The following SGMS1 variants were observed in gnomAD, a reference collection of about 807,000 sequenced individuals.
SGMS1 encodes sphingomyelin synthase 1, also known as phosphatidylcholine:ceramide cholinephosphotransferase 1.
SGMS1 carries 13 observed loss-of-function variants against 46.2 expected under a neutral mutation model. That is an observed-to-expected ratio of 0.28 (90% confidence interval 0.18 to 0.45). The LOEUF (loss-of-function observed/expected upper bound fraction) is 0.45, where lower values mean the gene tolerates loss of function less well. SGMS1 is among the 20% of genes least tolerant of loss of function. The probability of loss-of-function intolerance (pLI) is 1.00; values close to 1 mark genes in which losing one functional copy is unlikely to be tolerated. For synonymous variants in SGMS1, 203 were observed against 187.8 expected, an observed-to-expected ratio of 1.08 and a Z score of -0.66; for missense variants, 324 against 519.9, an observed-to-expected ratio of 0.62 and a Z score of 3.66.
intron 2 of SGMS1, among the ~76,000 whole-genome samples, chr10:50,521,455 A>G (rs1174429115): frequency 6.6e-6 from 1 of 152,196 alleles, no homozygotes; most frequent in East Asian, 1.9e-4. Flanking sequence ...AGTAAATTTA[A>G]AAGTTATATA....
chr10:50,499,754 G>A (rs1206788734), intron 3 of SGMS1, among the ~76,000 whole-genome samples: 1 of 152,202 alleles, frequency 6.6e-6, no homozygotes, highest in Non-Finnish European at 1.5e-5. Flanking sequence ...AAGGTAGAGT[G>A]CACATTGTGA....
intron 2 of SGMS1, among the ~76,000 whole-genome samples, chr10:50,542,182 C>T (rs1444046841): frequency 6.6e-6 from 1 of 152,096 alleles, no homozygotes; most frequent in African/African-American, 2.4e-5. Flanking sequence ...TCTGTGACTC[C>T]CACTTTTCGT....
chr10:50,333,190 C>T (rs977149601), intron 7 of SGMS1, among the ~76,000 whole-genome samples: 20 of 152,124 alleles, frequency 1.3e-4, no homozygotes, highest in Middle Eastern at 3.2e-3. Context: ...TGTGAGAAGA[C>T]GCTCTTAAGA....
At chr10:50,597,844 G>A (rs556301868) in intron 1 of SGMS1, among the ~76,000 whole-genome samples, 37 of 151,792 alleles carry the variant, frequency 2.4e-4, no homozygotes, top group Non-Finnish European at 4.3e-4. Flanking sequence ...GAAACCCTGT[G>A]TCTATTAAAA....
chr10:50,393,811 C>T (rs927318063), intron 6 of SGMS1, among the ~76,000 whole-genome samples: 1 of 152,194 alleles, frequency 6.6e-6, no homozygotes, highest in Non-Finnish European at 1.5e-5. Flanking sequence ...CAGGTGATAG[C>T]AGCTTTGGCT....
At chr10:50,490,831 T>C (rs1009741769) in intron 3 of SGMS1, among the ~76,000 whole-genome samples, 29 of 152,284 alleles carry the variant, frequency 1.9e-4, no homozygotes, top group African/African-American at 6.5e-4. Flanking sequence ...GACGTAATTA[T>C]TGATAAGTGC....
chr10:50,582,278 A>G (rs1838442047), intron 2 of SGMS1, among the ~76,000 whole-genome samples: 2 of 152,268 alleles, frequency 1.3e-5, no homozygotes, highest in Admixed American at 1.3e-4. Context: ...CCCTCCCTAG[A>G]TGTCTGGGCC....
At chr10:50,436,788 A>G (rs1030825624) in intron 5 of SGMS1, among the ~76,000 whole-genome samples, 1 of 131,920 alleles carries the variant, frequency 7.6e-6, no homozygotes, top group Non-Finnish European at 1.7e-5. Context: ...GTTGTGGGAA[A>G]AGTTCCTGTG....
At chr10:50,600,158 A>G (rs1838636291) in intron 1 of SGMS1, among the ~76,000 whole-genome samples, 1 of 152,244 alleles carries the variant, frequency 6.6e-6, no homozygotes, top group African/African-American at 2.4e-5. Context: ...AACACAGAGT[A>G]AACTTTTCAA....
intron 3 of SGMS1, among the ~76,000 whole-genome samples, chr10:50,484,730 G>C (rs1315570590): frequency 6.6e-6 from 1 of 152,112 alleles, no homozygotes; most frequent in Non-Finnish European, 1.5e-5. Context: ...GGAATGCAAG[G>C]CTGGTTCAAC....
At chr10:50,411,783 G>A (rs1439863079) in intron 6 of SGMS1, among the ~76,000 whole-genome samples, 3 of 152,278 alleles carry the variant, frequency 2.0e-5, no homozygotes, top group Admixed American at 2.0e-4. Flanking sequence ...ACCAGTTCAG[G>A]ATTCTCTGTT....
chr10:50,372,887 AAT>A (rs1202311797), intron 6 of SGMS1, among the ~76,000 whole-genome samples: 1 of 152,154 alleles, frequency 6.6e-6, no homozygotes, highest in Non-Finnish European at 1.5e-5. Flanking sequence ...AGAGGTTCCT[AAT>A]TTTTTTATTC....
At chr10:50,467,623 T>C (rs1382362802) in intron 3 of SGMS1, among the ~76,000 whole-genome samples, 1 of 152,194 alleles carries the variant, frequency 6.6e-6, no homozygotes, top group Non-Finnish European at 1.5e-5. Flanking sequence ...CTTAATAAAT[T>C]TTCTTAAAGT....
chr10:50,375,710 T>C (rs914332001), intron 6 of SGMS1, among the ~76,000 whole-genome samples: 7 of 152,168 alleles, frequency 4.6e-5, no homozygotes, highest in Admixed American at 1.3e-4. Context: ...GGAAGTAGTA[T>C]AGATGGCAGA....
At chr10:50,565,636 T>C (rs1377263793) in intron 2 of SGMS1, among the ~76,000 whole-genome samples, 1 of 152,136 alleles carries the variant, frequency 6.6e-6, no homozygotes, top group African/African-American at 2.4e-5. Flanking sequence ...AGCTGCCAAT[T>C]CCTAGGAATG....
At chr10:50,607,536 GCT>G (rs1488115145) in intron 1 of SGMS1, among the ~76,000 whole-genome samples, 4 of 152,150 alleles carry the variant, frequency 2.6e-5, no homozygotes, top group African/African-American at 9.7e-5. Flanking sequence ...TTCCAAAACA[GCT>G]CTGTTATCTT....
intron 3 of SGMS1, among the ~76,000 whole-genome samples, chr10:50,478,806 A>G (rs1014550956): frequency 2.6e-5 from 4 of 152,184 alleles, no homozygotes; most frequent in South Asian, 2.1e-4. Context: ...AATCGATTCA[A>G]TTAGGAAACC....
intron 8 of SGMS1, among the ~76,000 whole-genome samples, chr10:50,319,924 C>T (rs1847413025): frequency 6.6e-6 from 1 of 152,130 alleles, no homozygotes; most frequent in Non-Finnish European, 1.5e-5. Flanking sequence ...GCCTTAGCAT[C>T]CAGTGATGAT....
At chr10:50,356,181 A>T (rs1414897368) in intron 6 of SGMS1, among the ~76,000 whole-genome samples, 3 of 152,244 alleles carry the variant, frequency 2.0e-5, no homozygotes. Flanking sequence ...AAAGAAGTAG[A>T]CATAGGAGAC....
Sources: gnomAD v4.1 joint callset for allele counts (sites outside exome capture counted in the v4.1 genomes callset) on GRCh38, gnomAD v4.1.1 for gene constraint, MANE v1.5 for transcripts, NCBI Gene and HGNC (gene_info 2026-07-23, HGNC 2026-07-21) for gene names.